CNBD1: variants seen among roughly 807,000 people sequenced by gnomAD.
CNBD1 encodes the protein cyclic nucleotide-binding domain-containing protein 1.
Under a neutral mutation model 54.4 loss-of-function variants are expected in CNBD1, and 71 were observed. The observed-to-expected ratio is 1.30, with a 90% CI of 1.08 to 1.59. The LOEUF (loss-of-function observed/expected upper bound fraction) is 1.59, where lower values mean the gene tolerates loss of function less well. CNBD1 is among the 40% of genes most tolerant of loss of function. CNBD1 has a pLI of 0.00. For missense variants in CNBD1, 659 were observed against 518.0 expected (o/e 1.27, Z -2.64); for synonymous variants, 182 against 170.7 (o/e 1.07, Z -0.51).
At chr8:87,344,246 T>C (rs1810124838) in intron 8 of CNBD1, among the ~76,000 whole-genome samples, 1 of 151,976 alleles carries the variant, frequency 6.6e-6, no homozygotes, top group Non-Finnish European at 1.5e-5. Flanking sequence ...GGTAAGCAAT[T>C]TTTATTCAGT....
intron 10 of CNBD1, among the ~76,000 whole-genome samples, chr8:87,367,854 G>T (rs1301593384): frequency 6.6e-6 from 1 of 152,068 alleles, no homozygotes. Context: ...GGGAACCATA[G>T]ATTGTCTCAG....
intron 6 of CNBD1, among the ~76,000 whole-genome samples, chr8:87,274,908 T>C (rs1808443021): frequency 7.4e-6 from 1 of 134,604 alleles, no homozygotes; most frequent in Admixed American, 7.1e-5. Flanking sequence ...TGGTTTTAGG[T>C]GTAACGTTTA....
intron 3 of CNBD1, among the ~76,000 whole-genome samples, chr8:86,905,816 G>A (rs1809008845): frequency 6.6e-6 from 1 of 152,164 alleles, no homozygotes; most frequent in Admixed American, 6.5e-5. Context: ...AACTGTAAGT[G>A]TCTTATATCA....
intron 2 of CNBD1, among the ~76,000 whole-genome samples, chr8:86,904,788 T>C (rs1808990901): frequency 6.6e-6 from 1 of 152,120 alleles, no homozygotes; most frequent in South Asian, 2.1e-4. Flanking sequence ...TAGTACATTA[T>C]ATAAAACTTT....
chr8:87,356,666 A>G (rs568456241), intron 10 of CNBD1, among the ~76,000 whole-genome samples: 1 of 152,302 alleles, frequency 6.6e-6, no homozygotes, highest in South Asian at 2.1e-4. Flanking sequence ...GCAGAGCATA[A>G]AATTTGAAAA....
intron 4 of CNBD1, among the ~76,000 whole-genome samples, chr8:87,032,218 C>G (rs1809810416): frequency 1.3e-5 from 2 of 152,082 alleles, no homozygotes; most frequent in South Asian, 4.1e-4. Context: ...GCAATTCACC[C>G]TTGAACAATG....
At chr8:87,016,072 C>T (rs570545916) in intron 4 of CNBD1, among the ~76,000 whole-genome samples, 38 of 148,008 alleles carry the variant, frequency 2.6e-4, no homozygotes, top group Non-Finnish European at 4.5e-4. Context: ...ATTTCACTTT[C>T]AAACTAAATA....
chr8:87,270,119 A>T (rs1347182874), intron 6 of CNBD1, among the ~76,000 whole-genome samples: 1 of 152,056 alleles, frequency 6.6e-6, no homozygotes, highest in East Asian at 1.9e-4. Context: ...ACAAATCAAT[A>T]AATGTGATTT....
chr8:87,009,369 C>G (rs1809167848), intron 4 of CNBD1, among the ~76,000 whole-genome samples: 1 of 152,058 alleles, frequency 6.6e-6, no homozygotes, highest in South Asian at 2.1e-4. Flanking sequence ...GGAGTGATCT[C>G]AGCTCACTGC....
At chr8:86,986,037 TCTC>T (rs1808599285) in intron 4 of CNBD1, among the ~76,000 whole-genome samples, 1 of 152,042 alleles carries the variant, frequency 6.6e-6, no homozygotes, top group African/African-American at 2.4e-5. Context: ...TTCAAGCAAT[TCTC>T]CTGCCTCAGC....
rs925124636 is a variant in CNBD1, at chr8:87,116,981, A to G, written c.432-89012A>G. On this transcript the variant is annotated intron_variant, in intron 4 of 10. Transcript: ENST00000518476. ...TTTTCTTACCAGAACTTTTGAGGGC[A>G]GACAATCTGTCTTTTGGCTATTTGT... Among the ~76,000 whole-genome samples the G allele has an allele frequency of 1.8e-4, 28 of 152,288 alleles. No homozygotes were observed. In the Middle Eastern group the frequency reaches 0.01, roughly 55 times the overall value.
At chr8:86,896,235 A>T (rs564238080) in intron 2 of CNBD1, among the ~76,000 whole-genome samples, 1 of 152,226 alleles carries the variant, frequency 6.6e-6, no homozygotes, top group Admixed American at 6.5e-5. Flanking sequence ...AATTATTTTT[A>T]TGTATTGTTT....
chr8:87,045,661 C>T (rs964638009), intron 4 of CNBD1, among the ~76,000 whole-genome samples: 5 of 144,564 alleles, frequency 3.5e-5, no homozygotes, highest in Non-Finnish European at 7.4e-5. Flanking sequence ...GTAGGCGGAG[C>T]TTGCAGTGAG....
intron 4 of CNBD1, among the ~76,000 whole-genome samples, chr8:87,153,653 T>C (rs1812652519): frequency 1.3e-5 from 2 of 152,316 alleles, no homozygotes; most frequent in Non-Finnish European, 1.5e-5. Flanking sequence ...TAACTAATTG[T>C]TTATCCATTC....
At chr8:87,106,190 CCTTTTCTTTTT>C (rs1811532452) in intron 4 of CNBD1, among the ~76,000 whole-genome samples, 1 of 148,798 alleles carries the variant, frequency 6.7e-6, no homozygotes, top group South Asian at 2.1e-4. Flanking sequence ...CCTTTCCTTT[CCTTTTCTTTTT>C]CTTTTCTTTT....
At chr8:87,193,061 A>T (rs186760216) in intron 4 of CNBD1, among the ~76,000 whole-genome samples, 1 of 152,202 alleles carries the variant, frequency 6.6e-6, no homozygotes, top group Admixed American at 6.5e-5. Context: ...ATAAAACAAA[A>T]TAACCACAGA....
chr8:87,378,727 C>A (rs1487810036), intron 10 of CNBD1, among the ~76,000 whole-genome samples: 1 of 151,144 alleles, frequency 6.6e-6, no homozygotes, highest in Non-Finnish European at 1.5e-5. Context: ...GGCATTGAAT[C>A]TGTAAATTAC....
At chr8:87,206,653 T>C (rs1813982152) in intron 5 of CNBD1, among the ~76,000 whole-genome samples, 1 of 152,212 alleles carries the variant, frequency 6.6e-6, no homozygotes, top group Non-Finnish European at 1.5e-5. Context: ...AGATAGATTT[T>C]CATTTCCCAA....
chr8:87,023,939 T>C (rs1318679718), intron 4 of CNBD1, among the ~76,000 whole-genome samples: 1 of 152,160 alleles, frequency 6.6e-6, no homozygotes, highest in African/African-American at 2.4e-5. Context: ...TCATTTCGTA[T>C]TGAAAGAGAC....
Sources: gnomAD v4.1 joint callset for allele counts (sites outside exome capture counted in the v4.1 genomes callset) on GRCh38, gnomAD v4.1.1 for gene constraint, MANE v1.5 for transcripts, NCBI Gene and HGNC (gene_info 2026-07-23, HGNC 2026-07-21) for gene names.